The following MED20 variants were observed in gnomAD, a reference collection of about 807,000 sequenced individuals.
MED20 encodes the protein mediator complex subunit 20, also known as mediator of RNA polymerase II transcription subunit 20.
MED20 carries 19 observed loss-of-function variants against 19.7 expected under a neutral mutation model. The observed-to-expected ratio is 0.96, with a 90% confidence interval of 0.67 to 1.42. MED20 has a LOEUF of 1.42. Among genes scored for constraint, MED20 ranks in the 40% most tolerant of loss-of-function variants. The probability of loss-of-function intolerance (pLI) is 0.00; values close to 1 mark genes in which losing one functional copy is unlikely to be tolerated. For missense variants in MED20, 225 were observed against 273.0 expected (o/e 0.82, Z 1.24); for synonymous variants, 105 against 104.8 (o/e 1.00, Z -0.01).
chr6:41,907,575 G>T (rs536883312), intron 3 of MED20, among the ~76,000 whole-genome samples: 1 of 152,130 alleles, frequency 6.6e-6, no homozygotes, highest in Non-Finnish European at 1.5e-5. Flanking sequence ...GGACTGTGTT[G>T]TCCCTGCTAT....
chr6:41,913,367 C>A (rs975318117), intron 2 of MED20, among the ~76,000 whole-genome samples: 1 of 152,160 alleles, frequency 6.6e-6, no homozygotes, highest in Non-Finnish European at 1.5e-5. Context: ...TGCTGTCTCC[C>A]CAACTAGACT....
At chr6:41,919,306 T>C (rs566522407) in intron 1 of MED20, among the ~76,000 whole-genome samples, 397 of 152,228 alleles carry the variant, frequency 2.6e-3, no homozygotes, top group Non-Finnish European at 4.7e-3. Context: ...ATGTAGTGCC[T>C]GTTAAAACAT....
chr6:41,914,861 G>A (rs951572219), intron 2 of MED20, among the ~76,000 whole-genome samples: 12 of 152,120 alleles, frequency 7.9e-5, no homozygotes, highest in South Asian at 2.1e-4. Context: ...GTAAGAAAAC[G>A]GGAACTCTAA....
At chr6:41,915,259 G>A (rs1300891118) in intron 2 of MED20, among the ~76,000 whole-genome samples, 1 of 151,936 alleles carries the variant, frequency 6.6e-6, no homozygotes, top group African/African-American at 2.4e-5. Flanking sequence ...AGGCTGAGGT[G>A]GGAGGATGGC....
chr6:41,912,698 G>A (rs1249342687), intron 2 of MED20, among the ~76,000 whole-genome samples: 1 of 152,048 alleles, frequency 6.6e-6, no homozygotes, highest in African/African-American at 2.4e-5. Flanking sequence ...TTTCATGTCT[G>A]TACCACCTTG....
Position 41,907,187 on chromosome 6 carries a change from A to G in MED20, c.524T>C (p.Val175Ala). 2 of 1,614,094 alleles carry G rather than the reference A, an allele frequency of 1.2e-6. No individual in the cohort carries two copies. The highest frequency in any genetic ancestry group is 1.3e-5 in the African/African-American group (1 of 75,002). ...GACCGCATCATGTCTGTTCCCAAAC[A>G]CTGCGGGAGCCCCTGGTGTGTGGCT... is the stretch of plus-strand genomic sequence containing the variant. ...LGSHTPGAPA[V>A]FGNRHDAVYG... Residue 175 changes from valine to alanine, a missense_variant, in exon 4 of 4, where the codon GTG becomes GCG. Transcript: ENST00000265350.
chr6:41,912,270 G>A (rs1419246650), intron 2 of MED20, among the ~76,000 whole-genome samples: 2 of 140,484 alleles, frequency 1.4e-5, no homozygotes, highest in African/African-American at 2.7e-5. Flanking sequence ...CAAACTCCTA[G>A]GCTCAAGCAA....
In MED20 at chr6:41,906,002, A is replaced by G. The variant is rs1435704346; in HGVS notation, c.*1070T>C. On this transcript the variant is annotated 3_prime_UTR_variant, in exon 4 of 4. Coordinates refer to ENST00000265350, the MANE Select transcript of MED20 (RefSeq NM_004275.5). The stretch of plus-strand genomic sequence containing the variant: ...AGTTACAGGAGGTATTAACTGCAAA[A>G]TAACAGCCAAAAGCATTCCTGGGCA... 1 of 152,228 alleles carries G rather than the reference A, an allele frequency of 6.6e-6. No homozygotes were observed. Among genetic ancestry groups the G allele is most frequent in the East Asian group, 1.9e-4 (1 of 5,198 alleles). 9.4% of individuals were successfully genotyped at this position (152,228 alleles called of 1,614,324 possible).
Position 41,910,304 on chromosome 6 carries a change from T to A in MED20, c.170-782A>T, listed in dbSNP as rs145963022. ...TTCCATAGGCTATTTGCAATAAAAA[T>A]GGAAAGCTATACACATTTAGTTAAG... is the stretch of plus-strand genomic sequence containing the variant. On this transcript the variant is annotated intron_variant, in intron 2 of 3. Transcript: ENST00000265350. Among the ~76,000 whole-genome samples the A allele has an allele frequency of 2.5e-3, 376 of 152,188 alleles. 2 individuals are homozygous for A. The highest frequency in any genetic ancestry group is 8.6e-3 in the African/African-American group (356 of 41,526).
chr6:41,911,006 G>A (rs1775178796), intron 2 of MED20, among the ~76,000 whole-genome samples: 1 of 151,612 alleles, frequency 6.6e-6, no homozygotes, highest in Non-Finnish European at 1.5e-5. Flanking sequence ...CTACTCGGGA[G>A]GCTGAGGCAG....
chr6:41,915,730 T>C (rs1449331396), intron 2 of MED20, among the ~76,000 whole-genome samples: 1 of 150,288 alleles, frequency 6.7e-6, no homozygotes, highest in Admixed American at 6.6e-5. Context: ...GAGCTTGCAG[T>C]GAGCCGAGAT....
Position 41,916,881 on chromosome 6 carries a change from T to C in MED20, c.73A>G (p.Thr25Ala). The C allele has an allele frequency of 6.2e-7, 1 of 1,613,954 alleles. No individual in the cohort carries two copies. Among genetic ancestry groups the C allele is most frequent in the Non-Finnish European group, 8.5e-7 (1 of 1,179,974 alleles). ...GCCCCAAGCATCTCCAATTTCCGGG[T>C]AAGGAGCTCTACGGTTTGCTGAACA... ...KSVQQTVELL[T>A]RKLEMLGAEK... The change falls in exon 2 of 4, where the codon ACC (threonine) becomes GCC (alanine). Residue 25 changes from threonine (T) to alanine (A), a missense_variant. Thr to Ala is a moderately conservative substitution (Grantham distance 58). Transcript: ENST00000265350.
intron 1 of MED20, 72 bp from the exon 2 acceptor site, chr6:41,917,011 A>G: frequency 1.3e-6 from 2 of 1,534,198 alleles, no homozygotes; most frequent in Non-Finnish European, 1.8e-6. Context: ...TCACTCGCCC[A>G]CAGCATCACA....
At position 41,906,298 on chromosome 6, in the gene MED20, T is replaced by C. The variant is rs773094793; in HGVS notation, c.*774A>G. The C allele has an allele frequency of 6.6e-6, 1 of 152,210 alleles. No individual in the cohort carries two copies. Among genetic ancestry groups the C allele is most frequent in the Non-Finnish European group, 1.5e-5 (1 of 68,052 alleles). 9.4% of individuals were successfully genotyped at this position (152,210 alleles called of 1,614,324 possible). ...AGCTGATGAGTCTGCTTTGATCTTA[T>C]GGGTAAGAAAACATACTGGGAATGG... On this transcript the variant is annotated 3_prime_UTR_variant, in exon 4 of 4. Coordinates refer to ENST00000265350, the MANE Select transcript of MED20 (RefSeq NM_004275.5).
intron 2 of MED20, among the ~76,000 whole-genome samples, chr6:41,913,342 C>T (rs141201363): frequency 8.1e-4 from 123 of 152,266 alleles, no homozygotes; most frequent in South Asian, 7.3e-3. Context: ...CTCTTTCCTG[C>T]CTGCCATGAA....
Position 41,916,856 on chromosome 6 carries a change from G to A in MED20, c.98C>T (p.Ala33Val). ...LLTRKLEMLG[A>V]EKQGTFCVDC... ...CACACAAAATGTTCCTTGCTTCTCT[G>A]CCCCAAGCATCTCCAATTTCCGGGT... Residue 33 changes from alanine to valine, a missense_variant, in exon 2 of 4, where the codon GCA becomes GTA. Coordinates refer to ENST00000265350, the MANE Select transcript of MED20 (RefSeq NM_004275.5). 6.2e-7 allele frequency: 1 copy of A among 1,614,042 alleles called. No individual in the cohort carries two copies. Among genetic ancestry groups the A allele is most frequent in the Non-Finnish European group, 8.5e-7 (1 of 1,180,004 alleles).
intron 2 of MED20, among the ~76,000 whole-genome samples, chr6:41,914,963 T>C (rs746101667): frequency 6.6e-6 from 1 of 152,276 alleles, no homozygotes; most frequent in Non-Finnish European, 1.5e-5. Flanking sequence ...TCAGAGTGCA[T>C]AAGGATTGTC....
rs187444178 is a variant in MED20 at position 41,909,248 on chromosome 6, C to T, written c.423+21G>A. ...GCAGCCCCCTCAGAACATCCTGCTC[C>T]TATTTTCACCAAGGTCTTACCTCCA... On this transcript the variant is annotated intron_variant, in intron 3 of 3. Coordinates refer to ENST00000265350, the MANE Select transcript of MED20 (RefSeq NM_004275.5). 3.7e-6 allele frequency: 6 copies of T among 1,608,538 alleles called. No individual in the cohort carries two copies. In the South Asian group the frequency reaches 6.6e-5, roughly 18 times the overall value.
chr6:41,915,239 G>C (rs1321587135), intron 2 of MED20, among the ~76,000 whole-genome samples: 1 of 152,044 alleles, frequency 6.6e-6, no homozygotes, highest in Non-Finnish European at 1.5e-5. Context: ...TTTGACACCA[G>C]CTACTTGAGA....
Sources: gnomAD v4.1 joint callset for allele counts (sites outside exome capture counted in the v4.1 genomes callset) on GRCh38, gnomAD v4.1.1 for gene constraint, MANE v1.5 for transcripts, NCBI Gene and HGNC (gene_info 2026-07-23, HGNC 2026-07-21) for gene names.